Variants in DDX27 observed in about 807,000 individuals in gnomAD.
The protein encoded by DDX27 is DEAD-box helicase 27.
In DDX27, 42 loss-of-function variants were observed where a neutral mutation model predicts 99.3. The ratio of observed to expected loss-of-function variants is 0.42; its 90% CI spans 0.33 to 0.55. The LOEUF is 0.55. DDX27 is among the 20% of genes least tolerant of loss of function. The probability of loss-of-function intolerance (pLI) is 0.07; values close to 1 mark genes in which losing one functional copy is unlikely to be tolerated. For missense variants in DDX27, 798 were observed against 976.8 expected (o/e 0.82, Z 2.44); for synonymous variants, 329 against 353.8 (o/e 0.93, Z 0.79).
Position 49,219,984 on chromosome 20 carries a change from ACT to A in DDX27, c.93+447_93+448del, listed in dbSNP as rs1309096501. On this transcript the variant is annotated intron_variant, in intron 1 of 20. Coordinates refer to ENST00000618172, the MANE Select transcript of DDX27 (RefSeq NM_017895.8). ...CGTAGCAATGAACAAGGTGAGTGCCACTCTCCTGAAGCGTATGGTGGTGTGGG... is the reference window on the plus strand; with the variant it reads ...CGTAGCAATGAACAAGGTGAGTGCCACTCCTGAAGCGTATGGTGGTGTGGG... 5.3e-5 allele frequency among the ~76,000 whole-genome samples: 8 copies of A among 152,120 alleles called. No individual in the cohort carries two copies. The East Asian group carries it at 1.5e-3, about 29-fold the overall frequency.
In DDX27 at chr20:49,226,447, C is replaced by G. The variant is rs746344129; in HGVS notation, c.618C>G (p.Gly206=). The stretch of plus-strand genomic sequence containing the variant: ...TTCCTCAGGCCATTACAGCCATGGG[C>G]TTCAAGCAGCCCACCCCGATCCAGA... ...RPLLKAITAM[G]FKQPTPIQKA... Residue 206 remains glycine (G), a synonymous_variant, in exon 7 of 21, where the codon GGC becomes GGG. Coordinates refer to ENST00000618172, the MANE Select transcript of DDX27 (RefSeq NM_017895.8). 6.2e-7 allele frequency: 1 copy of G among 1,613,958 alleles called. No homozygotes were observed.
In DDX27 at chr20:49,241,834, C is replaced by A. The variant is rs544830505; in HGVS notation, c.1898-59C>A. On this transcript the variant is annotated intron_variant, in intron 16 of 20. Coordinates refer to ENST00000618172, the MANE Select transcript of DDX27 (RefSeq NM_017895.8). ...CCAATTGAAAACGTGCACTTCTTAT[C>A]GTAAGCTTAAAAAAAGATAAAATCA... 4.5e-6 allele frequency: 7 copies of A among 1,567,716 alleles called. No homozygotes were observed. The South Asian group carries it at 7.9e-5, about 18-fold the overall frequency.
At chr20:49,226,158 G>A (rs1329605952) in intron 6 of DDX27, among the ~76,000 whole-genome samples, 1 of 152,162 alleles carries the variant, frequency 6.6e-6, no homozygotes, top group African/African-American at 2.4e-5. Context: ...GTTTTCCGCA[G>A]CATCTCTCCA....
chr20:49,242,456 G>C, intron 18 of DDX27, 138 bp from the exon 19 acceptor site: 13 of 1,034,988 alleles, frequency 1.3e-5, no homozygotes, highest in Non-Finnish European at 1.6e-5. Flanking sequence ...CTACTTGGAG[G>C]AGCTGGTGAG....
chr20:49,236,243 C>G lies in DDX27; in HGVS notation c.1509+12C>G. 1 of 1,597,950 alleles carries G rather than the reference C, an allele frequency of 6.3e-7. No individual in the cohort carries two copies. The highest frequency in any genetic ancestry group is 1.7e-5 in the Admixed American group (1 of 57,236). ...AGGGGGTCAAAACGGTGAGCAGACA[C>G]TATCTTCCTTGGACTTTTGGTGGAA... On this transcript the variant is annotated intron_variant, in intron 13 of 20. Coordinates refer to ENST00000618172, the MANE Select transcript of DDX27 (RefSeq NM_017895.8). The surrounding 1 kb of genome is among the most constrained non-coding windows in gnomAD (Gnocchi z 4.1).
chr20:49,230,374 G>A (rs1417658951), intron 9 of DDX27, 25 bp downstream of exon 9: 1 of 1,591,830 alleles, frequency 6.3e-7, no homozygotes, highest in Admixed American at 1.7e-5. Flanking sequence ...CTGGGGCCCA[G>A]GGCACTGTGG....
At chr20:49,227,626 C>G (rs1217131634) in intron 7 of DDX27, among the ~76,000 whole-genome samples, 1 of 152,046 alleles carries the variant, frequency 6.6e-6, no homozygotes, top group East Asian at 1.9e-4. Flanking sequence ...CTCAGCCTCT[C>G]AAGAGTGCTG....
rs749045480 is a variant in DDX27 at position 49,236,127 on chromosome 20, C to T, written c.1428-23C>T. Reference sequence around the variant, plus strand: ...TATTAGGGGAGGGTGTCTGGATGAACAGCTGTTTGTGACTGTTTCTAGGCG... The same window carrying T: ...TATTAGGGGAGGGTGTCTGGATGAATAGCTGTTTGTGACTGTTTCTAGGCG... On this transcript the variant is annotated intron_variant, in intron 12 of 20. Transcript: ENST00000618172. This position sits in a 1 kb window ranked among gnomAD's most constrained non-coding sequence, Gnocchi z 4.1. 8 of 1,595,540 alleles carry T rather than the reference C, an allele frequency of 5.0e-6. No individual in the cohort carries two copies. The South Asian group carries it at 9.1e-5, about 18-fold the overall frequency.
intron 6 of DDX27, 37 bp downstream of exon 6, chr20:49,225,236 C>T (rs1979840441): frequency 1.3e-6 from 2 of 1,512,166 alleles, no homozygotes; most frequent in African/African-American, 2.7e-5. Flanking sequence ...TTTGTAGAAG[C>T]ATGGTCTTGC....
chr20:49,226,913 A>G (rs1979914186), intron 7 of DDX27, among the ~76,000 whole-genome samples: 1 of 114,716 alleles, frequency 8.7e-6, no homozygotes, highest in Admixed American at 1.2e-4. Flanking sequence ...CCCAGGCTGG[A>G]GTGCAGTGGC....
intron 14 of DDX27, 148 bp from the exon 15 acceptor site, chr20:49,238,801 A>G (rs1980384891): frequency 1.2e-5 from 4 of 333,288 alleles, no homozygotes; most frequent in Non-Finnish European, 1.6e-5. Flanking sequence ...GTAGAGACAG[A>G]GTCTGGCCAC....
rs372293474 is a variant in DDX27 at position 49,236,553 on chromosome 20, C to T, written c.1687+43C>T. The T allele has an allele frequency of 2.1e-4, 315 of 1,502,318 alleles. No individual in the cohort carries two copies. The highest frequency in any genetic ancestry group is 5.2e-4 in the South Asian group (38 of 73,140). 93.1% of individuals were successfully genotyped at this position (1,502,318 alleles called of 1,614,324 possible). On this transcript the variant is annotated intron_variant, in intron 14 of 20. Transcript: ENST00000618172. The surrounding 1 kb of genome is among the most constrained non-coding windows in gnomAD (Gnocchi z 4.1). ...TGGCAGTGCAGAATGGCTCGGTGGG[C>T]GGGGCAAGGACAGAGTGTAATGGCT... is the stretch of plus-strand genomic sequence containing the variant.
chr20:49,223,568 CTTTCTT>C, intron 4 of DDX27, 135 bp downstream of exon 4: 1 of 634,348 alleles, frequency 1.6e-6, no homozygotes, highest in Non-Finnish European at 2.3e-6. Flanking sequence ...GAACTCCTTT[CTTTCTT>C]TTTTTTTTTT....
chr20:49,242,629 G>A lies in DDX27; in HGVS notation c.2152G>A (p.Asp718Asn). Residue 718 changes from aspartate (D) to asparagine (N), a missense_variant, in exon 19 of 21, where the codon GAT becomes AAT. Transcript: ENST00000618172. ...AAAGCAGGGGAAGAAATCTGTATTT[G>A]ATGAAGAACTCACCAACACAAGCAA... ...KQKQGKKSVFDEELTNTSKKA... is the reference protein window; with the variant it reads ...KQKQGKKSVFNEELTNTSKKA... The A allele has an allele frequency of 6.2e-7, 1 of 1,613,940 alleles. No homozygotes were observed. Among genetic ancestry groups the A allele is most frequent in the South Asian group, 1.1e-5 (1 of 91,076 alleles).
rs571880554 is a variant in DDX27, at chr20:49,243,933, A to G, written c.*99A>G. 2.1e-6 allele frequency: 3 copies of G among 1,412,778 alleles called. No individual in the cohort carries two copies. Among genetic ancestry groups the G allele is most frequent in the East Asian group, 4.7e-5 (2 of 42,966 alleles). 87.5% of individuals were successfully genotyped at this position (1,412,778 alleles called of 1,614,324 possible). On this transcript the variant is annotated 3_prime_UTR_variant, in exon 21 of 21. Coordinates refer to ENST00000618172, the MANE Select transcript of DDX27 (RefSeq NM_017895.8). ...TGTCTTTTCTCCATTTGTTTAAAAAAAAAACAAAAACAAAAAACAACACTT... is the reference window on the plus strand; with the variant it reads ...TGTCTTTTCTCCATTTGTTTAAAAAGAAAACAAAAACAAAAAACAACACTT...
intron 4 of DDX27, 140 bp downstream of exon 4, chr20:49,223,573 T>A: frequency 7.5e-5 from 11 of 147,562 alleles, no homozygotes; most frequent in Non-Finnish European, 1.2e-4. Context: ...CCTTTCTTTC[T>A]TTTTTTTTTT....
At position 49,230,318 on chromosome 20, in the gene DDX27, A is replaced by G; in HGVS notation, c.1000A>G (p.Ile334Val). ...CTGCCCTTCCTTCCACCTGAGCAGCATCGAGGTGCTCATCCTGGACGAGGC... is the reference window on the plus strand; with the variant it reads ...CTGCCCTTCCTTCCACCTGAGCAGCGTCGAGGTGCTCATCCTGGACGAGGC... ...HNCPSFHLSS[I>V]EVLILDEADR... Residue 334 changes from isoleucine (I) to valine (V), a missense_variant, in exon 9 of 21, where the codon ATC (isoleucine) becomes GTC (valine). Coordinates refer to ENST00000618172, the MANE Select transcript of DDX27 (RefSeq NM_017895.8). 1 of 1,610,920 alleles carries G rather than the reference A, an allele frequency of 6.2e-7. No individual in the cohort carries two copies. Among genetic ancestry groups the G allele is most frequent in the South Asian group, 1.1e-5 (1 of 91,072 alleles).
rs1600968536 is a variant in DDX27, at chr20:49,228,881, G to A, written c.873G>A (p.Leu291=). 1.3e-6 allele frequency: 2 copies of A among 1,589,830 alleles called. No homozygotes were observed. Among genetic ancestry groups the A allele is most frequent in the Non-Finnish European group, 1.7e-6 (2 of 1,163,246 alleles). Residue 291 remains leucine (L), a synonymous_variant, in exon 8 of 21, where the codon CTG becomes CTA. Transcript: ENST00000618172. ...AGTTCTGCAACATCACCACCTGCCT[G>A]GCTGTGGGTGAGTTTCTGGCCAAGG... ...LAQFCNITTC[L]AVGGLDVKSQ...
rs1980261450 is a variant in DDX27 at position 49,235,133 on chromosome 20, G to A, written c.1427+45G>A. On this transcript the variant is annotated intron_variant, in intron 12 of 20. Transcript: ENST00000618172. ...CTGAGGCTCCCACCATCCTTCTGGG[G>A]CAGAGAGGATAGAAGGAAGAAGAGG... is the stretch of plus-strand genomic sequence containing the variant. 3.2e-6 allele frequency: 5 copies of A among 1,542,842 alleles called. No individual in the cohort carries two copies. The African/African-American group carries it at 5.5e-5, about 17-fold the overall frequency.
Sources: allele counts gnomAD v4.1 joint callset (sites outside exome capture counted in the v4.1 genomes callset), GRCh38; gene constraint gnomAD v4.1.1; non-coding constraint Gnocchi (gnomAD v3.1); transcripts MANE v1.5; gene names NCBI Gene and HGNC (gene_info 2026-07-23, HGNC 2026-07-21).